OSBPL10: variants seen among roughly 807,000 people sequenced by gnomAD.
OSBPL10 encodes the protein oxysterol binding protein like 10.
OSBPL10 carries 49 observed loss-of-function variants against 81.7 expected under a neutral mutation model. The observed-to-expected ratio is 0.60, with a 90% CI of 0.48 to 0.76. The LOEUF (loss-of-function observed/expected upper bound fraction) is 0.76, where lower values mean the gene tolerates loss of function less well. Ranked by LOEUF, OSBPL10 falls within the 30% of genes least tolerant of loss-of-function variation. OSBPL10 has a pLI of 0.00. For missense variants in OSBPL10, 923 were observed against 987.8 expected (o/e 0.93, Z 0.88); for synonymous variants, 419 against 383.6 (o/e 1.09, Z -1.08).
intron 1 of OSBPL10, among the ~76,000 whole-genome samples, chr3:31,930,427 T>C (rs1326048748): frequency 6.6e-6 from 1 of 152,166 alleles, no homozygotes; most frequent in Non-Finnish European, 1.5e-5. Flanking sequence ...AATTTAAAAA[T>C]GTACATACCT....
At chr3:31,781,189 A>T (rs1698687097) in intron 4 of OSBPL10, among the ~76,000 whole-genome samples, 1 of 152,246 alleles carries the variant, frequency 6.6e-6, no homozygotes, top group African/African-American at 2.4e-5. Context: ...GATACATCAC[A>T]TAAACCGAAT....
At chr3:31,721,035 C>T (rs905376686) in intron 6 of OSBPL10, among the ~76,000 whole-genome samples, 8 of 152,044 alleles carry the variant, frequency 5.3e-5, no homozygotes, top group Non-Finnish European at 8.8e-5. Context: ...TCTGGGTAAG[C>T]TCTGTGTAAT....
At chr3:31,853,478 G>A (rs1314725018) in intron 3 of OSBPL10, among the ~76,000 whole-genome samples, 1 of 152,152 alleles carries the variant, frequency 6.6e-6, no homozygotes, top group African/African-American at 2.4e-5. Context: ...GAGTGGTAGG[G>A]AAGGTCAATG....
intron 1 of OSBPL10, among the ~76,000 whole-genome samples, chr3:31,912,899 G>C (rs1221679562): frequency 6.6e-6 from 1 of 152,122 alleles, no homozygotes; most frequent in Admixed American, 6.5e-5. Flanking sequence ...TACTGCAGAA[G>C]GTGAGCAAGG....
rs536307632 is a variant in OSBPL10, at chr3:31,812,405, C to T, written c.729+17635G>A. Among the ~76,000 whole-genome samples, 7 of 152,234 alleles carry T rather than the reference C, an allele frequency of 4.6e-5. No individual in the cohort carries two copies. The South Asian group carries it at 1.5e-3, about 32-fold the overall frequency. ...TAGGCAGGGTTAAAGGGCACCTTTC[C>T]CCACATCCAAATTTTGGTTCTGAAA... On this transcript the variant is annotated intron_variant, in intron 4 of 11. Transcript: ENST00000396556.
intron 2 of OSBPL10, among the ~76,000 whole-genome samples, chr3:31,997,901 C>T (rs1699107141): frequency 6.6e-6 from 1 of 152,148 alleles, no homozygotes; most frequent in African/African-American, 2.4e-5. Context: ...AATCCTCCCA[C>T]CTTAGCCTCC....
At chr3:31,984,654 A>AT (rs1428294059), upstream of OSBPL10, among the ~76,000 whole-genome samples, 1 of 152,220 alleles carries the variant, frequency 6.6e-6, no homozygotes, top group Non-Finnish European at 1.5e-5. Context: ...GCAGATTATC[A>AT]TTTAACTATG....
At chr3:32,069,072 A>G (rs1006816191) in intron 1 of OSBPL10, among the ~76,000 whole-genome samples, 3 of 152,074 alleles carry the variant, frequency 2.0e-5, no homozygotes, top group Admixed American at 6.6e-5. Context: ...AGGTGGCTGG[A>G]GTTGAAGGCA....
In OSBPL10 at chr3:31,892,580, A is replaced by G. The variant is rs115199961; in HGVS notation, c.282-12750T>C. On this transcript the variant is annotated intron_variant, in intron 1 of 11. Coordinates refer to ENST00000396556, the MANE Select transcript of OSBPL10 (RefSeq NM_017784.5). ...AAACTGTCAAAAGCAACCATTTCAG[A>G]ACAGTAGAAACTGACCAAACTTTGA... Among the ~76,000 whole-genome samples the G allele has an allele frequency of 4.5e-3, 689 of 152,304 alleles. 1 individual carries two copies. The highest frequency in any genetic ancestry group is 0.015 in the African/African-American group (636 of 41,568).
At chr3:31,870,981 G>A (rs1701309327) in intron 3 of OSBPL10, among the ~76,000 whole-genome samples, 1 of 152,130 alleles carries the variant, frequency 6.6e-6, no homozygotes, top group South Asian at 2.1e-4. Flanking sequence ...GAACCTTTGT[G>A]TCTAGCTCAG....
At chr3:31,786,745 T>A (rs1021540688) in intron 4 of OSBPL10, among the ~76,000 whole-genome samples, 2 of 152,328 alleles carry the variant, frequency 1.3e-5, no homozygotes, top group African/African-American at 2.4e-5. Context: ...ATTGTATGAT[T>A]TAAGCACTTT....
chr3:31,941,299 CT>C (rs757552537), intron 1 of OSBPL10, among the ~76,000 whole-genome samples: 5 of 152,158 alleles, frequency 3.3e-5, no homozygotes, highest in Non-Finnish European at 5.9e-5. Context: ...CTAACTCTTA[CT>C]CTAAAAGCCA....
intron 1 of OSBPL10, among the ~76,000 whole-genome samples, chr3:31,901,486 G>C (rs1696239043): frequency 6.6e-6 from 1 of 152,074 alleles, no homozygotes; most frequent in Admixed American, 6.6e-5. Context: ...CTCTTGGTCT[G>C]GCTACTTCTT....
At chr3:31,816,646 T>C (rs1018184864) in intron 4 of OSBPL10, among the ~76,000 whole-genome samples, 2 of 152,136 alleles carry the variant, frequency 1.3e-5, no homozygotes, top group Non-Finnish European at 2.9e-5. Context: ...CCTGGAAACA[T>C]CTGTGGCTGC....
chr3:31,940,013 AC>A (rs1292420529), intron 1 of OSBPL10, among the ~76,000 whole-genome samples: 2 of 152,152 alleles, frequency 1.3e-5, no homozygotes, highest in Admixed American at 1.3e-4. Flanking sequence ...AAGCCACTAT[AC>A]CCAGCCCACT....
intron 1 of OSBPL10, among the ~76,000 whole-genome samples, chr3:31,952,871 T>C (rs1211950223): frequency 1.3e-5 from 2 of 152,130 alleles, no homozygotes; most frequent in African/African-American, 4.8e-5. Context: ...GGTCCTATAT[T>C]CTGGTTCAAC....
chr3:31,831,843 T>TC, intron 3 of OSBPL10, among the ~76,000 whole-genome samples: 1 of 151,786 alleles, frequency 6.6e-6, no homozygotes, highest in Non-Finnish European at 1.5e-5. Context: ...CAAACACATC[T>TC]CCCCCTGGCT....
chr3:31,672,983 C>T (rs888750559), intron 8 of OSBPL10, among the ~76,000 whole-genome samples: 2 of 152,200 alleles, frequency 1.3e-5, no homozygotes, highest in African/African-American at 4.8e-5. Context: ...ACCAAATACA[C>T]TGCGTATCAG....
Position 31,767,976 on chromosome 3 carries a change from G to A in OSBPL10, c.730-19856C>T, listed in dbSNP as rs548749178. On this transcript the variant is annotated intron_variant, in intron 4 of 11. Coordinates refer to ENST00000396556, the MANE Select transcript of OSBPL10 (RefSeq NM_017784.5). The stretch of plus-strand genomic sequence containing the variant: ...GAAAGTAAAGGAGTAAAGGATACTC[G>A]ATAGAGCAGCCCTGAGGACTACTGG... Among the ~76,000 whole-genome samples, 11 of 152,128 alleles carry A rather than the reference G, an allele frequency of 7.2e-5. 1 individual carries two copies. The South Asian group carries it at 1.7e-3, about 23-fold the overall frequency.
Sources: allele counts gnomAD v4.1 joint callset (sites outside exome capture counted in the v4.1 genomes callset), GRCh38; gene constraint gnomAD v4.1.1; transcripts MANE v1.5; gene names NCBI Gene and HGNC (gene_info 2026-07-23, HGNC 2026-07-21).